The following EPSTI1 variants were observed in gnomAD, a reference collection of about 807,000 sequenced individuals.
EPSTI1 encodes the protein epithelial-stromal interaction protein 1.
In EPSTI1, 66 loss-of-function variants were observed where a neutral mutation model predicts 49.9. The observed-to-expected ratio is 1.32, with a 90% CI of 1.08 to 1.62. EPSTI1 has a LOEUF of 1.62. Among genes scored for constraint, EPSTI1 ranks in the 40% most tolerant of loss-of-function variants. The pLI is 0.00. For synonymous variants in EPSTI1, 137 were observed against 130.7 expected (o/e 1.05, Z -0.33); for missense variants, 394 against 365.5 (o/e 1.08, Z -0.64).
chr13:42,926,309 C>A (rs749167882), intron 7 of EPSTI1, 27 bp downstream of exon 7: 15 of 1,343,188 alleles, frequency 1.1e-5, no homozygotes, highest in Non-Finnish European at 1.5e-5. Flanking sequence ...ATGTGCCAGG[C>A]AGCACCCTGC....
chr13:42,936,324 G>A (rs1221504414), intron 6 of EPSTI1, among the ~76,000 whole-genome samples: 2 of 152,114 alleles, frequency 1.3e-5, no homozygotes, highest in Admixed American at 6.5e-5. Flanking sequence ...TTATTCAAGA[G>A]TTACTGATAA....
At chr13:42,967,744 AG>A in intron 3 of EPSTI1, among the ~76,000 whole-genome samples, 1 of 152,342 alleles carries the variant, frequency 6.6e-6, no homozygotes, top group Middle Eastern at 3.4e-3. Flanking sequence ...CCCAGGAAGA[AG>A]AACGAGCAGT....
chr13:42,902,232 C>CT (rs11431398), intron 8 of EPSTI1, among the ~76,000 whole-genome samples: 13,297 of 149,068 alleles, frequency 0.089, 618 homozygotes, highest in Admixed American at 0.1. Flanking sequence ...TCTCTTACAA[C>CT]TTTTTTTTTT....
intron 6 of EPSTI1, among the ~76,000 whole-genome samples, chr13:42,944,229 T>C (rs1355554801): frequency 6.6e-6 from 1 of 152,192 alleles, no homozygotes; most frequent in Non-Finnish European, 1.5e-5. Context: ...CGTATATTTA[T>C]TGCAGCATTG....
chr13:42,949,343 A>G (rs2039022910), intron 6 of EPSTI1, among the ~76,000 whole-genome samples: 2 of 152,164 alleles, frequency 1.3e-5, no homozygotes, highest in Non-Finnish European at 2.9e-5. Context: ...TAATCCCAGC[A>G]CTTTGGGAGG....
Position 42,888,483 on chromosome 13 carries a change from T to C in EPSTI1, c.*11A>G, listed in dbSNP as rs1332017684. 2 of 1,613,130 alleles carry C rather than the reference T, an allele frequency of 1.2e-6. No individual in the cohort carries two copies. The highest frequency in any genetic ancestry group is 1.7e-5 in the Admixed American group (1 of 59,882). ...TCAGTTGATGAAGGCCAGATAGGAG[T>C]CAATATTTTCTCATATACCCTGGAA... On this transcript the variant is annotated 3_prime_UTR_variant, in exon 11 of 11. Transcript: ENST00000313624.
intron 6 of EPSTI1, among the ~76,000 whole-genome samples, chr13:42,952,333 C>T (rs1172444421): frequency 6.6e-6 from 1 of 152,166 alleles, no homozygotes; most frequent in East Asian, 1.9e-4. Context: ...ACACTCACCG[C>T]AAAGGTCCAT....
At chr13:42,974,380 G>A (rs1253529142) in intron 1 of EPSTI1, among the ~76,000 whole-genome samples, 2 of 150,138 alleles carry the variant, frequency 1.3e-5, no homozygotes, top group Non-Finnish European at 3.0e-5. Flanking sequence ...TTTCCTGGCC[G>A]GGCGCGGTGG....
intron 8 of EPSTI1, among the ~76,000 whole-genome samples, chr13:42,913,614 C>T (rs2037748317): frequency 6.6e-6 from 1 of 152,110 alleles, no homozygotes; most frequent in Non-Finnish European, 1.5e-5. Flanking sequence ...GAATAAATCC[C>T]TGGAGCTGGG....
intron 1 of EPSTI1, among the ~76,000 whole-genome samples, chr13:42,978,737 T>C (rs991510803): frequency 3.3e-5 from 5 of 152,208 alleles, no homozygotes; most frequent in African/African-American, 1.2e-4. Context: ...TTAAGATAAC[T>C]AAGGGGACAT....
At chr13:42,985,563 A>G (rs967588256) in intron 1 of EPSTI1, among the ~76,000 whole-genome samples, 2 of 152,172 alleles carry the variant, frequency 1.3e-5, no homozygotes, top group African/African-American at 4.8e-5. Flanking sequence ...GGACCGAAGG[A>G]AAGAGGATTG....
intron 1 of EPSTI1, among the ~76,000 whole-genome samples, chr13:42,982,692 G>A (rs1455963686): frequency 6.6e-6 from 1 of 152,182 alleles, no homozygotes; most frequent in African/African-American, 2.4e-5. Context: ...TGGGGTTCAC[G>A]ACATGTTATC....
intron 1 of EPSTI1, among the ~76,000 whole-genome samples, chr13:42,987,379 T>C (rs2040103666): frequency 6.6e-6 from 1 of 151,800 alleles, no homozygotes. Flanking sequence ...CTCCTAATGA[T>C]CCTGTAGACC....
intron 10 of EPSTI1, among the ~76,000 whole-genome samples, chr13:42,893,531 C>T (rs1268137315): frequency 6.6e-6 from 1 of 152,188 alleles, no homozygotes; most frequent in Non-Finnish European, 1.5e-5. Context: ...CTCACTATTA[C>T]ATCATGAGGA....
At chr13:42,987,919 T>G (rs953611801) in intron 1 of EPSTI1, among the ~76,000 whole-genome samples, 2 of 152,214 alleles carry the variant, frequency 1.3e-5, no homozygotes, top group African/African-American at 4.8e-5. Context: ...TTATTATTAT[T>G]GCTCATGTTG....
At chr13:42,986,306 T>G (rs548290732) in intron 1 of EPSTI1, among the ~76,000 whole-genome samples, 9 of 152,340 alleles carry the variant, frequency 5.9e-5, no homozygotes, top group African/African-American at 2.2e-4. Context: ...GGTCCCTGGT[T>G]CCTGGGACAG....
intron 8 of EPSTI1, among the ~76,000 whole-genome samples, chr13:42,912,506 A>T (rs191286573): frequency 6.6e-6 from 1 of 152,372 alleles, no homozygotes; most frequent in Non-Finnish European, 1.5e-5. Context: ...CTCATTCAGC[A>T]GCATATCCAA....
chr13:42,983,563 C>CAAAAAAAAAAAAAAAAAAAAAA (rs56259281), intron 1 of EPSTI1, among the ~76,000 whole-genome samples: 32 of 95,494 alleles, frequency 3.4e-4, no homozygotes, highest in Non-Finnish European at 4.3e-4. Flanking sequence ...GACTCCATCT[C>CAAAAAAAAAAAAAAAAAAAAAA]AAAAAAAAAA....
chr13:42,952,049 A>G (rs980868106), intron 6 of EPSTI1, among the ~76,000 whole-genome samples: 4 of 152,178 alleles, frequency 2.6e-5, no homozygotes, highest in African/African-American at 9.7e-5. Flanking sequence ...AGTGCTCTGT[A>G]AAAATGCACC....
Sources: gnomAD v4.1 joint callset for allele counts (sites outside exome capture counted in the v4.1 genomes callset) on GRCh38, gnomAD v4.1.1 for gene constraint, MANE v1.5 for transcripts, NCBI Gene and HGNC (gene_info 2026-07-23, HGNC 2026-07-21) for gene names.